SLC9A9: variants seen among roughly 807,000 people sequenced by gnomAD.
SLC9A9 encodes the protein sodium/hydrogen exchanger 9.
Under a neutral mutation model 77.8 loss-of-function variants are expected in SLC9A9, and 62 were observed. That is an observed-to-expected ratio of 0.80 (90% CI 0.65 to 0.98). The LOEUF (loss-of-function observed/expected upper bound fraction) is 0.98, where lower values mean the gene tolerates loss of function less well. SLC9A9 is among the 50% of genes least tolerant of loss of function. The pLI is 0.00. For missense variants in SLC9A9, 775 were observed against 774.9 expected (o/e 1.00, Z 0.00); for synonymous variants, 320 against 283.5 (o/e 1.13, Z -1.29).
chr3:143,555,699 G>T (rs1053570574), intron 8 of SLC9A9, among the ~76,000 whole-genome samples: 3 of 152,192 alleles, frequency 2.0e-5, no homozygotes, highest in East Asian at 1.9e-4. Context: ...TTACGAAAAA[G>T]ATTACATATC....
At chr3:143,690,357 A>T (rs1264727786) in intron 5 of SLC9A9, among the ~76,000 whole-genome samples, 1 of 152,088 alleles carries the variant, frequency 6.6e-6, no homozygotes, top group Non-Finnish European at 1.5e-5. Context: ...TCTCCTTTTA[A>T]AAAAAGGTCT....
At chr3:143,440,558 C>T (rs1353839065) in intron 12 of SLC9A9, among the ~76,000 whole-genome samples, 1 of 152,224 alleles carries the variant, frequency 6.6e-6, no homozygotes, top group African/African-American at 2.4e-5. Flanking sequence ...GCTCTCAAAG[C>T]CCGCATGGCT....
At chr3:143,670,609 A>G (rs1359309020) in intron 5 of SLC9A9, among the ~76,000 whole-genome samples, 1 of 152,138 alleles carries the variant, frequency 6.6e-6, no homozygotes, top group Non-Finnish European at 1.5e-5. Flanking sequence ...CTGAGCTGTT[A>G]TCTTCTTCAT....
chr3:143,384,563 C>A (rs777929563), intron 12 of SLC9A9, among the ~76,000 whole-genome samples: 10 of 152,180 alleles, frequency 6.6e-5, no homozygotes, highest in African/African-American at 1.2e-4. Flanking sequence ...AGGCCTTTCA[C>A]TAAAGTGGAA....
chr3:143,466,577 T>C (rs1337692820), intron 12 of SLC9A9, among the ~76,000 whole-genome samples: 3 of 152,224 alleles, frequency 2.0e-5, no homozygotes, highest in Non-Finnish European at 2.9e-5. Flanking sequence ...ACTAAGCAAG[T>C]ATGTTTAAGC....
At chr3:143,521,002 G>A (rs2036290320) in intron 9 of SLC9A9, among the ~76,000 whole-genome samples, 2 of 151,986 alleles carry the variant, frequency 1.3e-5, no homozygotes, top group African/African-American at 4.8e-5. Flanking sequence ...ATGTCAAATG[G>A]CAAATTTTTC....
intron 4 of SLC9A9, among the ~76,000 whole-genome samples, chr3:143,706,677 T>C (rs73009383): frequency 0.027 from 4,172 of 152,272 alleles, 179 homozygotes; most frequent in African/African-American, 0.094. Flanking sequence ...CTCTCCTCTG[T>C]AAGGGGTGGA....
At chr3:143,705,043 A>ATCTATCTATC (rs1560040974) in intron 4 of SLC9A9, among the ~76,000 whole-genome samples, 5 of 39,046 alleles carry the variant, frequency 1.3e-4, no homozygotes, top group African/African-American at 5.5e-4. Context: ...ATCTATCTAT[A>ATCTATCTATC]TAGATATAGA....
At chr3:143,470,874 G>A (rs1209727047) in intron 11 of SLC9A9, among the ~76,000 whole-genome samples, 2 of 151,876 alleles carry the variant, frequency 1.3e-5, no homozygotes, top group African/African-American at 4.8e-5. Flanking sequence ...AGCAATTCTT[G>A]GTTTAAAAAT....
At chr3:143,648,691 A>AACTC (rs1171811707) in intron 6 of SLC9A9, among the ~76,000 whole-genome samples, 8 of 152,184 alleles carry the variant, frequency 5.3e-5, no homozygotes, top group African/African-American at 1.9e-4. Flanking sequence ...GCTTCCAATG[A>AACTC]AGCTGATTAT....
intron 14 of SLC9A9, among the ~76,000 whole-genome samples, chr3:143,337,743 C>T (rs1039671604): frequency 6.6e-6 from 1 of 152,224 alleles, no homozygotes; most frequent in Non-Finnish European, 1.5e-5. Flanking sequence ...GCTTGGCAAA[C>T]CTTGATGCAG....
At chr3:143,695,509 A>G (rs1933610404) in intron 4 of SLC9A9, among the ~76,000 whole-genome samples, 1 of 152,178 alleles carries the variant, frequency 6.6e-6, no homozygotes, top group Non-Finnish European at 1.5e-5. Context: ...TGCAAGGGAC[A>G]TGAATTCATC....
At chr3:143,574,049 T>G (rs369502266) in intron 8 of SLC9A9, 39 bp downstream of exon 8, 35 of 1,560,622 alleles carry the variant, frequency 2.2e-5, no homozygotes, top group Admixed American at 8.4e-5. Flanking sequence ...CACACACATA[T>G]TCACACATCC....
intron 6 of SLC9A9, among the ~76,000 whole-genome samples, chr3:143,628,642 G>A (rs9811274): frequency 0.49 from 74,055 of 151,910 alleles, 19,377 homozygotes; most frequent in African/African-American, 0.69. Flanking sequence ...TAGTAAGATG[G>A]ACTATAGAGA....
At chr3:143,546,875 C>T (rs1467168501) in intron 9 of SLC9A9, among the ~76,000 whole-genome samples, 1 of 152,234 alleles carries the variant, frequency 6.6e-6, no homozygotes, top group Non-Finnish European at 1.5e-5. Context: ...TGCTGCCCTT[C>T]AGCAAAACTC....
chr3:143,791,437 C>T (rs1488999596), intron 4 of SLC9A9, among the ~76,000 whole-genome samples: 1 of 152,180 alleles, frequency 6.6e-6, no homozygotes, highest in Non-Finnish European at 1.5e-5. Context: ...GGTCACAGCC[C>T]ACCAGTAGAG....
intron 12 of SLC9A9, among the ~76,000 whole-genome samples, chr3:143,387,880 A>T (rs2033464474): frequency 6.6e-6 from 1 of 152,136 alleles, no homozygotes; most frequent in Non-Finnish European, 1.5e-5. Context: ...AACAACTTCC[A>T]TTCTGATTCT....
At chr3:143,678,493 A>G (rs1490751771) in intron 5 of SLC9A9, among the ~76,000 whole-genome samples, 1 of 152,204 alleles carries the variant, frequency 6.6e-6, no homozygotes, top group Admixed American at 6.5e-5. Flanking sequence ...GTTCAATTTT[A>G]TAATCTAAAT....
intron 9 of SLC9A9, among the ~76,000 whole-genome samples, chr3:143,543,889 T>C (rs545090790): frequency 4.1e-4 from 63 of 152,214 alleles, no homozygotes; most frequent in Admixed American, 5.9e-4. Flanking sequence ...TTCCTTTGGA[T>C]ATATACCAAG....
Sources: gnomAD v4.1 joint callset for allele counts (sites outside exome capture counted in the v4.1 genomes callset) on GRCh38, gnomAD v4.1.1 for gene constraint, MANE v1.5 for transcripts, NCBI Gene and HGNC (gene_info 2026-07-23, HGNC 2026-07-21) for gene names.